FBXO32: variants seen among roughly 807,000 people sequenced by gnomAD.
The protein encoded by FBXO32 is F-box only protein 32.
Under a neutral mutation model 48.3 loss-of-function variants are expected in FBXO32, and 15 were observed. That is an observed-to-expected ratio of 0.31 (90% CI 0.21 to 0.48). The LOEUF is 0.48. FBXO32 is among the 20% of genes least tolerant of loss of function. The pLI is 0.99. For missense variants in FBXO32, 309 were observed against 432.7 expected (o/e 0.71, Z 2.54); for synonymous variants, 154 against 165.9 (o/e 0.93, Z 0.55).
intron 4 of FBXO32, among the ~76,000 whole-genome samples, chr8:123,524,330 A>G (rs1817027082): frequency 6.6e-6 from 1 of 152,144 alleles, no homozygotes; most frequent in Non-Finnish European, 1.5e-5. Flanking sequence ...TCTGAATGCT[A>G]ATAATAATGA....
intron 4 of FBXO32, among the ~76,000 whole-genome samples, chr8:123,528,780 T>C (rs892160508): frequency 2.0e-5 from 3 of 152,248 alleles, no homozygotes; most frequent in African/African-American, 4.8e-5. Context: ...ACAACCAGCA[T>C]GAACATAACA....
intron 6 of FBXO32, among the ~76,000 whole-genome samples, chr8:123,507,351 A>G: frequency 6.6e-6 from 1 of 152,174 alleles, no homozygotes; most frequent in African/African-American, 2.4e-5. Context: ...CCCAGCACAC[A>G]GAAGGTGCTC....
chr8:123,502,592 G>GA lies in FBXO32; in HGVS notation c.*780dup, dbSNP rs1381269790. On this transcript the variant is annotated 3_prime_UTR_variant, in exon 9 of 9. Transcript: ENST00000517956. The stretch of plus-strand genomic sequence containing the variant: ...CCCCAAATGAGCTACAACATGACAG[G>GA]AAAAAAGGAACATGTGCTTTTGGGT... The GA allele has an allele frequency of 1.3e-5, 2 of 152,156 alleles. No individual in the cohort carries two copies. Among genetic ancestry groups the GA allele is most frequent in the African/African-American group, 4.8e-5 (2 of 41,438 alleles). 9.4% of individuals were successfully genotyped at this position (152,156 alleles called of 1,614,324 possible).
At chr8:123,503,616 G>A (rs1816546624) in intron 8 of FBXO32, among the ~76,000 whole-genome samples, 154 bp from the exon 9 acceptor site, 1 of 152,166 alleles carries the variant, frequency 6.6e-6, no homozygotes, top group Non-Finnish European at 1.5e-5. Flanking sequence ...TGGGAGCTGT[G>A]AAAGTAGATT....
At position 123,503,504 on chromosome 8, in the gene FBXO32, T is replaced by C. The variant is rs182833001; in HGVS notation, c.979-42A>G. The C allele has an allele frequency of 2.6e-4, 405 of 1,543,096 alleles. 3 individuals carry two copies. The East Asian group carries it at 8.1e-3, about 31-fold the overall frequency. The stretch of plus-strand genomic sequence containing the variant: ...GGTTAGCTTCAAGTTCTCAGAGGCC[T>C]CTCTTTGGCTTTTAGCACCATAAGG... On this transcript the variant is annotated intron_variant, in intron 8 of 8. Coordinates refer to ENST00000517956, the MANE Select transcript of FBXO32 (RefSeq NM_058229.4).
Position 123,541,139 on chromosome 8 carries a change from G to C in FBXO32, c.-125C>G, listed in dbSNP as rs968872131. On this transcript the variant is annotated 5_prime_UTR_variant, in exon 1 of 9. Coordinates refer to ENST00000517956, the MANE Select transcript of FBXO32 (RefSeq NM_058229.4). Reference sequence around the variant, plus strand: ...ACGGGGGCGGCGGGGCGGCGGGAACGGCGCGGGGCACCCTGCGGGGTGGCG... The same window carrying C: ...ACGGGGGCGGCGGGGCGGCGGGAACCGCGCGGGGCACCCTGCGGGGTGGCG... The C allele has an allele frequency of 4.0e-5, 19 of 471,844 alleles. No homozygotes were observed. Among genetic ancestry groups the C allele is most frequent in the Non-Finnish European group, 6.3e-5 (18 of 286,956 alleles). 29.2% of individuals were successfully genotyped at this position (471,844 alleles called of 1,614,324 possible).
chr8:123,526,070 A>T (rs1438548069), intron 4 of FBXO32, among the ~76,000 whole-genome samples: 5 of 152,116 alleles, frequency 3.3e-5, no homozygotes, highest in Non-Finnish European at 5.9e-5. Flanking sequence ...CTTACTACAC[A>T]TGACTAACAC....
intron 6 of FBXO32, among the ~76,000 whole-genome samples, chr8:123,507,284 T>C (rs570347081): frequency 1.3e-5 from 2 of 152,308 alleles, no homozygotes; most frequent in East Asian, 1.9e-4. Context: ...TTAAGCTCTA[T>C]GAAGGAAGGA....
chr8:123,523,520 G>A (rs1359967601), intron 4 of FBXO32, among the ~76,000 whole-genome samples: 1 of 152,066 alleles, frequency 6.6e-6, no homozygotes, highest in Non-Finnish European at 1.5e-5. Context: ...AACCCAGGAG[G>A]CAGAGGTTGC....
At position 123,505,758 on chromosome 8, in the gene FBXO32, G is replaced by T. The variant is rs74559130; in HGVS notation, c.834+634C>A. 6.6e-5 allele frequency among the ~76,000 whole-genome samples: 10 copies of T among 152,060 alleles called. No individual in the cohort carries two copies. In the East Asian group the frequency reaches 1.6e-3, roughly 24 times the overall value. ...CTCAAAAAACAAAACAAAACAAAAA[G>T]TACTGTAAAGCACTCAGAAAATGTA... On this transcript the variant is annotated intron_variant, in intron 7 of 8. Coordinates refer to ENST00000517956, the MANE Select transcript of FBXO32 (RefSeq NM_058229.4).
At position 123,498,102 on chromosome 8, in the gene FBXO32, C is replaced by T. The variant is rs182758646; in HGVS notation, c.*5271G>A. 2.0e-5 allele frequency: 3 copies of T among 152,324 alleles called. No homozygotes were observed. Among genetic ancestry groups the T allele is most frequent in the East Asian group, 3.9e-4 (2 of 5,192 alleles). The allele number at this position is 152,324 out of a possible 1,614,324, so 9.4% of individuals were successfully genotyped here. A position where few individuals can be genotyped will look rare whatever the true frequency, so the allele number is the denominator to read the frequency against. On this transcript the variant is annotated 3_prime_UTR_variant, in exon 9 of 9. Transcript: ENST00000517956. Reference sequence around the variant, plus strand: ...TGCTTTAGTTACAATGTTCAACCCCCTCTAATACTTTTCATTTAAAAAAGT... The same window carrying T: ...TGCTTTAGTTACAATGTTCAACCCCTTCTAATACTTTTCATTTAAAAAAGT...
intron 4 of FBXO32, among the ~76,000 whole-genome samples, chr8:123,516,269 C>T (rs187971616): frequency 3.3e-5 from 5 of 152,288 alleles, no homozygotes; most frequent in African/African-American, 1.2e-4. Context: ...ACCAGGCCCC[C>T]AGAGAAAACT....
intron 4 of FBXO32, among the ~76,000 whole-genome samples, chr8:123,516,743 G>A (rs1816847119): frequency 6.6e-6 from 1 of 152,112 alleles, no homozygotes; most frequent in Non-Finnish European, 1.5e-5. Context: ...CCTGGCTTCT[G>A]TATCTTTTCC....
At chr8:123,503,885 C>G (rs1816553481) in intron 8 of FBXO32, among the ~76,000 whole-genome samples, 1 of 152,172 alleles carries the variant, frequency 6.6e-6, no homozygotes, top group South Asian at 2.1e-4. Context: ...CAAGACCAGC[C>G]TGGCCAACAT....
chr8:123,528,641 T>C (rs982890573), intron 4 of FBXO32, among the ~76,000 whole-genome samples: 15 of 152,330 alleles, frequency 9.8e-5, no homozygotes, highest in East Asian at 5.8e-4. Context: ...TTCTAAGTTA[T>C]AGTAAAAAAT....
At chr8:123,507,436 A>AGG (rs750129988) in intron 6 of FBXO32, among the ~76,000 whole-genome samples, 1,322 of 104,242 alleles carry the variant, frequency 0.013, 11 homozygotes, top group African/African-American at 0.037. Context: ...ACTCTGTGCT[A>AGG]GGGTGTGTGT....
chr8:123,531,533 C>T (rs1371512049), intron 4 of FBXO32, among the ~76,000 whole-genome samples: 2 of 152,230 alleles, frequency 1.3e-5, no homozygotes, highest in African/African-American at 4.8e-5. Context: ...GCTGAATTCT[C>T]TCTTGCTAAG....
intron 1 of FBXO32, among the ~76,000 whole-genome samples, 158 bp from the exon 2 acceptor site, chr8:123,534,972 A>AT (rs1275744057): frequency 6.6e-6 from 1 of 152,254 alleles, no homozygotes; most frequent in African/African-American, 2.4e-5. Flanking sequence ...AAAAGAGTCT[A>AT]TACAGTCACA....
chr8:123,508,169 A>T (rs565030297), intron 6 of FBXO32, among the ~76,000 whole-genome samples: 5 of 152,318 alleles, frequency 3.3e-5, no homozygotes, highest in Admixed American at 3.3e-4. Flanking sequence ...ACCCTTCCTT[A>T]GCTCAGGGGA....
Sources: gnomAD v4.1 joint callset for allele counts (sites outside exome capture counted in the v4.1 genomes callset) on GRCh38, gnomAD v4.1.1 for gene constraint, MANE v1.5 for transcripts, NCBI Gene and HGNC (gene_info 2026-07-23, HGNC 2026-07-21) for gene names.